PRCP: variants seen among roughly 807,000 people sequenced by gnomAD.
The protein encoded by PRCP is prolylcarboxypeptidase, also known as lysosomal Pro-X carboxypeptidase.
A neutral mutation model predicts 54.2 loss-of-function variants in PRCP; 46 were observed. That is an observed-to-expected ratio of 0.85 (90% CI 0.67 to 1.09). The LOEUF is 1.09. Among genes scored for constraint, PRCP ranks in the 50% least tolerant of loss-of-function variants. The probability of loss-of-function intolerance (pLI) is 0.00; values close to 1 mark genes in which losing one functional copy is unlikely to be tolerated. For missense variants in PRCP, 613 were observed against 596.8 expected (o/e 1.03, Z -0.28); for synonymous variants, 240 against 212.2 (o/e 1.13, Z -1.14).
Position 82,882,559 on chromosome 11 carries a change from A to C in PRCP, c.168+17676T>G, listed in dbSNP as rs369449088. Among the ~76,000 whole-genome samples the C allele has an allele frequency of 7.3e-4, 106 of 145,204 alleles. 5 individuals are homozygous for C. The highest frequency in any genetic ancestry group is 2.6e-3 in the African/African-American group (100 of 38,172). ...CGCCCAGGCTGGAGTGCAGTGGCGC[A>C]ATCTCGGCTCACTGCAAGCTCCGCC... On this transcript the variant is annotated intron_variant, in intron 1 of 8. Transcript: ENST00000313010.
chr11:82,849,767 C>T lies in PRCP; in HGVS notation c.751+147G>A, dbSNP rs914771191. ...TGCTTTGTGAAAATTCATCAAGCTA[C>T]GCATTTTGATTTGATTTTGATTTGT... On this transcript the variant is annotated intron_variant, in intron 5 of 8. Coordinates refer to ENST00000313010, the MANE Select transcript of PRCP (RefSeq NM_005040.4). 2.1e-5 allele frequency: 15 copies of T among 708,292 alleles called. No homozygotes were observed. The South Asian group carries it at 5.1e-4, about 24-fold the overall frequency. 43.9% of individuals were successfully genotyped at this position (708,292 alleles called of 1,614,324 possible).
intron 1 of PRCP, chr11:82,884,693 G>C (rs1859826070): frequency 1.5e-6 from 2 of 1,329,248 alleles, no homozygotes. Flanking sequence ...TTCTGATGTA[G>C]TGGAAAAAGA....
At chr11:82,831,043 C>CAAAAAAAAAA (rs11356609) in intron 8 of PRCP, 2 of 67,220 alleles carry the variant, frequency 3.0e-5, no homozygotes, top group African/African-American at 5.1e-5. Flanking sequence ...GGAAAATCTA[C>CAAAAAAAAAA]AAAAAAAAAA....
At chr11:82,841,643 G>A (rs147259422) in intron 6 of PRCP, among the ~76,000 whole-genome samples, 80 of 152,276 alleles carry the variant, frequency 5.3e-4, no homozygotes, top group African/African-American at 1.9e-3. Flanking sequence ...TAACTGTGAG[G>A]TCATAAGAAT....
In PRCP at chr11:82,859,994, A is replaced by T; in HGVS notation, c.292T>A (p.Trp98Arg). The T allele has an allele frequency of 1.9e-6, 3 of 1,583,934 alleles. No individual in the cohort carries two copies. Among genetic ancestry groups the T allele is most frequent in the Non-Finnish European group, 2.6e-6 (3 of 1,168,024 alleles). ...GCACATACCGTGTTATTACAAAACC[A>T]GATAATGTCCCCTTCATTACCAGTG... ...FYTGNEGDII[W>R]FCNNTGFMWD... is the part of the protein sequence containing the mutation. The change falls in exon 2 of 9, where the codon TGG becomes AGG. Residue 98 changes from tryptophan to arginine, a missense_variant. Trp to Arg is a moderately radical substitution (Grantham distance 101). Coordinates refer to ENST00000313010, the MANE Select transcript of PRCP (RefSeq NM_005040.4).
chr11:82,849,334 C>G (rs1364958548), intron 5 of PRCP, 116 bp from the exon 6 acceptor site: 6 of 1,166,318 alleles, frequency 5.1e-6, no homozygotes, highest in Non-Finnish European at 4.7e-6. Context: ...ACCCCTTCTC[C>G]CAGGATATTT....
At chr11:82,900,720 C>A (rs1331797025), upstream of PRCP, 5 of 534,206 alleles carry the variant, frequency 9.4e-6, no homozygotes, top group Non-Finnish European at 1.8e-5. Flanking sequence ...TCGCTGTAGC[C>A]CATGCTTTAT....
chr11:82,836,835 A>G, intron 8 of PRCP: 1 of 356,730 alleles, frequency 2.8e-6, no homozygotes, highest in Non-Finnish European at 5.6e-6. Flanking sequence ...GGAGTGAGCC[A>G]CTGCATCCAG....
chr11:82,849,246 C>A, intron 5 of PRCP, 28 bp from the exon 6 acceptor site: 1 of 1,608,906 alleles, frequency 6.2e-7, no homozygotes. Context: ...CTGTTGGAAT[C>A]TAAAAAGTAC....
intron 3 of PRCP, among the ~76,000 whole-genome samples, chr11:82,851,256 A>G (rs1338254474): frequency 6.6e-6 from 1 of 151,650 alleles, no homozygotes; most frequent in Non-Finnish European, 1.5e-5. Flanking sequence ...GCTTAATTCC[A>G]CTCCCTTTGA....
intron 8 of PRCP, chr11:82,835,949 T>C (rs1045574902): frequency 9.7e-6 from 3 of 307,700 alleles, no homozygotes; most frequent in Non-Finnish European, 1.9e-5. Flanking sequence ...TCCCAGCAAT[T>C]TGGGAGGCCG....
At chr11:82,841,043 T>C (rs1187759856) in intron 6 of PRCP, among the ~76,000 whole-genome samples, 1 of 133,552 alleles carries the variant, frequency 7.5e-6, no homozygotes, top group Non-Finnish European at 1.6e-5. Flanking sequence ...ACGGAAAAGA[T>C]TATATATATA....
chr11:82,860,253 T>C (rs958305367), intron 1 of PRCP, 136 bp from the exon 2 acceptor site: 6 of 478,226 alleles, frequency 1.3e-5, no homozygotes, highest in African/African-American at 4.0e-5. Flanking sequence ...TTCACTGTTT[T>C]ATTATTAATA....
At position 82,853,265 on chromosome 11, in the gene PRCP, T is replaced by A. The variant is rs1439189258; in HGVS notation, c.323A>T (p.Asp108Val). The A allele has an allele frequency of 1.9e-6, 3 of 1,611,650 alleles. No individual in the cohort carries two copies. The highest frequency in any genetic ancestry group is 2.5e-6 in the Non-Finnish European group (3 of 1,178,482). The change falls in exon 3 of 9, where the codon GAT (aspartate) becomes GTT (valine). Residue 108 changes from aspartate (D) to valine (V), a missense_variant. Transcript: ENST00000313010. ...WFCNNTGFMWDVAEELKAMLV... is the reference protein window; with the variant it reads ...WFCNNTGFMWVVAEELKAMLV... ...CATAGCTTTCAGTTCCTCAGCCACA[T>A]CCCACATGAACCCCTAAGAAGAGTT...
chr11:82,842,262 C>T (rs150057222), intron 6 of PRCP, among the ~76,000 whole-genome samples: 225 of 152,302 alleles, frequency 1.5e-3, no homozygotes, highest in African/African-American at 5.2e-3. Flanking sequence ...ACAAGCATGG[C>T]TGGAGACCGG....
chr11:82,880,336 G>T (rs1859716609), intron 1 of PRCP, among the ~76,000 whole-genome samples: 2 of 152,224 alleles, frequency 1.3e-5, no homozygotes, highest in African/African-American at 4.8e-5. Context: ...GGGACCCTCT[G>T]AGCCAGGCAC....
intron 1 of PRCP, among the ~76,000 whole-genome samples, chr11:82,880,266 G>A (rs1015703994): frequency 2.0e-5 from 3 of 152,216 alleles, no homozygotes; most frequent in African/African-American, 7.2e-5. Context: ...CAGCCTCTTT[G>A]CCACCTTGCA....
intron 1 of PRCP, among the ~76,000 whole-genome samples, chr11:82,878,341 G>C (rs2121231774): frequency 6.6e-6 from 1 of 152,314 alleles, no homozygotes; most frequent in African/African-American, 2.4e-5. Flanking sequence ...GATTGGTTTT[G>C]AAATGTGAGG....
intron 2 of PRCP, among the ~76,000 whole-genome samples, chr11:82,859,174 C>T (rs1859155088): frequency 6.6e-6 from 1 of 152,158 alleles, no homozygotes; most frequent in Non-Finnish European, 1.5e-5. Flanking sequence ...GCATTTCTTC[C>T]TTTCACATAT....
Sources: gnomAD v4.1 joint callset for allele counts (sites outside exome capture counted in the v4.1 genomes callset) on GRCh38, gnomAD v4.1.1 for gene constraint, MANE v1.5 for transcripts, NCBI Gene and HGNC (gene_info 2026-07-23, HGNC 2026-07-21) for gene names.